The following USP34 variants were observed in gnomAD, a reference collection of about 807,000 sequenced individuals.
The protein encoded by USP34 is ubiquitin specific peptidase 34, also known as ubiquitin carboxyl-terminal hydrolase 34.
In USP34, 70 loss-of-function variants were observed where a neutral mutation model predicts 460.3. That is an observed-to-expected ratio of 0.15 (90% CI 0.13 to 0.19). USP34 has a LOEUF of 0.19. Among genes scored for constraint, USP34 ranks in the 10% least tolerant of loss-of-function variants. The pLI, the probability that USP34 is intolerant of heterozygous loss-of-function variation, is 1.00. For synonymous variants in USP34, 1,647 were observed against 1,405.3 expected (o/e 1.17, Z -3.85); for missense variants, 3,985 against 4,236.2 (o/e 0.94, Z 1.65).
intron 5 of USP34, among the ~76,000 whole-genome samples, chr2:61,386,912 T>A (rs1038510179): frequency 2.0e-5 from 3 of 152,142 alleles, no homozygotes; most frequent in African/African-American, 7.2e-5. Context: ...AACATGAAGC[T>A]TGATGAATAA....
At chr2:61,278,076 G>T (rs150546134) in intron 41 of USP34, 89 bp downstream of exon 41, 1 of 1,474,358 alleles carries the variant, frequency 6.8e-7, no homozygotes, top group Non-Finnish European at 9.3e-7. Context: ...ATGCCTTTAT[G>T]AGCAGTGTAA....
chr2:61,397,957 C>T (rs1693586552), intron 3 of USP34, among the ~76,000 whole-genome samples: 1 of 151,928 alleles, frequency 6.6e-6, no homozygotes, highest in East Asian at 1.9e-4. Context: ...ATCCCAGCTG[C>T]TCAGCAGACT....
intron 75 of USP34, among the ~76,000 whole-genome samples, chr2:61,195,655 G>C (rs1043703317): frequency 1.3e-5 from 2 of 152,092 alleles, no homozygotes; most frequent in Non-Finnish European, 2.9e-5. Flanking sequence ...CTGGGTGACA[G>C]AGCCAGACTC....
intron 37 of USP34, 46 bp from the exon 38 acceptor site, chr2:61,281,288 A>T: frequency 6.3e-7 from 1 of 1,583,098 alleles, no homozygotes; most frequent in Middle Eastern, 1.7e-4. Context: ...TTAGTATTAC[A>T]AAGTTAATAT....
chr2:61,394,330 C>A (rs1693448304), intron 5 of USP34, among the ~76,000 whole-genome samples: 1 of 151,700 alleles, frequency 6.6e-6, no homozygotes, highest in African/African-American at 2.4e-5. Flanking sequence ...AAAAATTTCC[C>A]AGGACAGAAT....
chr2:61,460,732 C>A lies in USP34; in HGVS notation c.43+9918G>T, dbSNP rs545487118. ...GGGTGTGGCAGCTCATGCCTGTAAT[C>A]CCAGTACTTTGGGAGGCCGAGGCAA... On this transcript the variant is annotated intron_variant, in intron 1 of 79. Coordinates refer to ENST00000398571, the MANE Select transcript of USP34 (RefSeq NM_014709.4). Among the ~76,000 whole-genome samples the A allele has an allele frequency of 2.6e-4, 40 of 152,188 alleles. 1 individual carries two copies. In the South Asian group the frequency reaches 3.5e-3, roughly 13 times the overall value.
intron 78 of USP34, chr2:61,190,057 T>G: frequency 2.1e-6 from 1 of 468,344 alleles, no homozygotes; most frequent in Non-Finnish European, 3.6e-6. Flanking sequence ...TTTCAGCATT[T>G]AATGATACCA....
At chr2:61,430,836 G>C (rs1039632845) in intron 1 of USP34, among the ~76,000 whole-genome samples, 1 of 151,834 alleles carries the variant, frequency 6.6e-6, no homozygotes, top group Non-Finnish European at 1.5e-5. Context: ...CAACCCCTTC[G>C]CTACAAAAAA....
In USP34 at chr2:61,395,525, G is replaced by A. The variant is rs527611095; in HGVS notation, c.553-292C>T. On this transcript the variant is annotated intron_variant, in intron 3 of 79. Coordinates refer to ENST00000398571, the MANE Select transcript of USP34 (RefSeq NM_014709.4). ...TCAATGTTTAAAATCCCGGCCGGAC[G>A]CGGTGGCTCACGCCTGTAATCCCAG... 8.7e-5 allele frequency among the ~76,000 whole-genome samples: 13 copies of A among 149,830 alleles called. No individual in the cohort carries two copies. In the South Asian group the frequency reaches 2.5e-3, roughly 29 times the overall value.
chr2:61,288,903 TC>T, intron 33 of USP34, 26 bp from the exon 34 acceptor site: 1 of 1,605,254 alleles, frequency 6.2e-7, no homozygotes, highest in Non-Finnish European at 8.5e-7. Flanking sequence ...AATAGTCAAT[TC>T]CCTATTTTCA....
At chr2:61,197,802 C>G (rs948273863) in intron 75 of USP34, among the ~76,000 whole-genome samples, 3 of 152,162 alleles carry the variant, frequency 2.0e-5, no homozygotes, top group Non-Finnish European at 4.4e-5. Context: ...CTCTGTTGCT[C>G]AGGCTGGAGT....
chr2:61,452,316 C>G (rs1695304633), intron 1 of USP34, among the ~76,000 whole-genome samples: 2 of 144,760 alleles, frequency 1.4e-5, no homozygotes, highest in African/African-American at 5.0e-5. Flanking sequence ...TAATTCCCGG[C>G]ACTTTTTTTT....
rs375620646 is a variant in USP34 at position 61,450,052 on chromosome 2, C to T, written c.43+20598G>A. On this transcript the variant is annotated intron_variant, in intron 1 of 79. Coordinates refer to ENST00000398571, the MANE Select transcript of USP34 (RefSeq NM_014709.4). ...CTGCACTCCAGCCTGGGCAACAAAC[C>T]AAGACTCTGTCTCAAAAAATAAAAA... Among the ~76,000 whole-genome samples the T allele has an allele frequency of 3.3e-5, 5 of 151,434 alleles. No homozygotes were observed. In the East Asian group the frequency reaches 7.8e-4, roughly 24 times the overall value.
In USP34 at chr2:61,347,995, C is replaced by G. The variant is rs779202850; in HGVS notation, c.2160G>C (p.Glu720Asp). Reference protein sequence around the residue: ...NATHIAQGSQESCITRTGDFL... With the variant: ...NATHIAQGSQDSCITRTGDFL... ...AGTCCCCAGTTCGTGTGATACAAGA[C>G]TCCTGAGACCCTTGTGCTATATGAG... The change falls in exon 15 of 80, where the codon GAG (glutamate) becomes GAC (aspartate). Residue 720 changes from glutamate to aspartate, a missense_variant. This residue lies in a region of USP34 where 716 missense variants were observed against 626.2 expected (regional missense o/e 1.14). Transcript: ENST00000398571. 1 of 1,614,166 alleles carries G rather than the reference C, an allele frequency of 6.2e-7. No individual in the cohort carries two copies. The highest frequency in any genetic ancestry group is 8.5e-7 in the Non-Finnish European group (1 of 1,180,032).
chr2:61,329,263 T>A (rs1691188769), intron 20 of USP34, among the ~76,000 whole-genome samples: 1 of 151,968 alleles, frequency 6.6e-6, no homozygotes, highest in African/African-American at 2.4e-5. Context: ...CAACCTCAGG[T>A]GATCTGCCTG....
At chr2:61,344,764 T>G (rs887544141) in intron 15 of USP34, among the ~76,000 whole-genome samples, 4 of 152,158 alleles carry the variant, frequency 2.6e-5, no homozygotes, top group Admixed American at 2.6e-4. Context: ...ACTGTGAATG[T>G]TTGTATCTAT....
At chr2:61,396,825 G>C (rs1192543051) in intron 3 of USP34, among the ~76,000 whole-genome samples, 1 of 152,086 alleles carries the variant, frequency 6.6e-6, no homozygotes, top group Non-Finnish European at 1.5e-5. Flanking sequence ...AAGGCATGAG[G>C]GATCTTTGGG....
chr2:61,225,946 T>A (rs1222675501), intron 62 of USP34, among the ~76,000 whole-genome samples: 1 of 152,150 alleles, frequency 6.6e-6, no homozygotes, highest in Non-Finnish European at 1.5e-5. Flanking sequence ...GCACTACACT[T>A]GAGGGCCATT....
chr2:61,401,751 C>T (rs529482935), intron 3 of USP34, among the ~76,000 whole-genome samples: 20 of 145,774 alleles, frequency 1.4e-4, no homozygotes, highest in African/African-American at 2.0e-4. Context: ...GTAGAGACAG[C>T]GTTTTACCGT....
Sources: gnomAD v4.1 joint callset for allele counts (sites outside exome capture counted in the v4.1 genomes callset) on GRCh38, gnomAD v4.1.1 for gene constraint, gnomAD v4.1.1 regional missense constraint, MANE v1.5 for transcripts, NCBI Gene and HGNC (gene_info 2026-07-23, HGNC 2026-07-21) for gene names.